Variants in GRK3 observed in about 807,000 individuals in gnomAD.
The protein encoded by GRK3 is adrenergic, beta, receptor kinase 2.
A neutral mutation model predicts 95.7 loss-of-function variants in GRK3; 54 were observed. The observed-to-expected ratio is 0.56, with a 90% CI of 0.45 to 0.71. The LOEUF (loss-of-function observed/expected upper bound fraction) is 0.71. Among genes scored for constraint, GRK3 ranks in the 30% least tolerant of loss-of-function variants. The pLI is 0.00. For synonymous variants in GRK3, 281 were observed against 290.8 expected (o/e 0.97, Z 0.34); for missense variants, 649 against 851.2 (o/e 0.76, Z 2.96).
intron 2 of GRK3, among the ~76,000 whole-genome samples, chr22:25,640,761 CG>C (rs1287067673): frequency 6.6e-6 from 1 of 151,920 alleles, no homozygotes; most frequent in Non-Finnish European, 1.5e-5. Context: ...ATCGTGATGG[CG>C]GGTGTTACAT....
At chr22:25,593,405 A>C (rs2146329801) in intron 1 of GRK3, among the ~76,000 whole-genome samples, 1 of 151,732 alleles carries the variant, frequency 6.6e-6, no homozygotes, top group Admixed American at 6.6e-5. Context: ...ATTTGCCTGG[A>C]GTGAGATGGT....
At chr22:25,668,403 C>G (rs2084956882) in intron 6 of GRK3, among the ~76,000 whole-genome samples, 1 of 152,192 alleles carries the variant, frequency 6.6e-6, no homozygotes. Flanking sequence ...TGGCTAATTT[C>G]TAGACAATAT....
At chr22:25,568,094 T>C (rs1348097986) in intron 1 of GRK3, among the ~76,000 whole-genome samples, 1 of 152,244 alleles carries the variant, frequency 6.6e-6, no homozygotes, top group South Asian at 2.1e-4. Context: ...TGGGGCCTAC[T>C]GGGAGTAGTA....
At chr22:25,647,182 T>TGGCCCCCCCCCC in intron 3 of GRK3, 1 of 123,988 alleles carries the variant, frequency 8.1e-6, no homozygotes, top group Non-Finnish European at 1.6e-5. Context: ...GGGCCTCACC[T>TGGCCCCCCCCCC]CCACCCACCG....
intron 3 of GRK3, among the ~76,000 whole-genome samples, chr22:25,649,935 T>G (rs2084816496): frequency 6.6e-6 from 1 of 152,168 alleles, no homozygotes; most frequent in Non-Finnish European, 1.5e-5. Flanking sequence ...TCTGAAGAGT[T>G]TGACTTAGAA....
intron 2 of GRK3, among the ~76,000 whole-genome samples, chr22:25,626,073 A>G (rs2084625704): frequency 6.6e-6 from 1 of 151,984 alleles, no homozygotes; most frequent in Admixed American, 6.6e-5. Flanking sequence ...CTTTATTTCT[A>G]CACTCTCTCG....
intron 1 of GRK3, among the ~76,000 whole-genome samples, chr22:25,569,179 T>C (rs1931596967): frequency 6.6e-6 from 1 of 152,246 alleles, no homozygotes; most frequent in Non-Finnish European, 1.5e-5. Flanking sequence ...AAATAGCCTT[T>C]AGAAAGAAAG....
intron 9 of GRK3, among the ~76,000 whole-genome samples, chr22:25,684,084 G>T (rs1262937162): frequency 6.6e-6 from 1 of 152,200 alleles, no homozygotes; most frequent in Non-Finnish European, 1.5e-5. Context: ...CAGATATTCA[G>T]TTGCTCCAGC....
At chr22:25,643,244 T>C (rs1394544126) in intron 2 of GRK3, among the ~76,000 whole-genome samples, 1 of 152,178 alleles carries the variant, frequency 6.6e-6, no homozygotes, top group Non-Finnish European at 1.5e-5. Context: ...AGTTTCTCCA[T>C]GGGAGGAGCG....
rs1159205380 is a variant in GRK3, at chr22:25,724,411, A to T, written c.*1961A>T. 6.6e-6 allele frequency: 1 copy of T among 152,198 alleles called. No individual in the cohort carries two copies. Among genetic ancestry groups the T allele is most frequent in the African/African-American group, 2.4e-5 (1 of 41,444 alleles). The allele number at this position is 152,198 out of a possible 1,614,324, so 9.4% of individuals were successfully genotyped here. A position where few individuals can be genotyped will look rare whatever the true frequency, so the allele number is the denominator to read the frequency against. On this transcript the variant is annotated 3_prime_UTR_variant, in exon 21 of 21. Transcript: ENST00000324198. ...CTGCACAAACGTGTTCAGAAAGATTATTCAACTTTCCCATACTTGTTCTAA... is the reference window on the plus strand; with the variant it reads ...CTGCACAAACGTGTTCAGAAAGATTTTTCAACTTTCCCATACTTGTTCTAA...
chr22:25,632,138 G>A (rs1053105166), intron 2 of GRK3, among the ~76,000 whole-genome samples: 2 of 152,204 alleles, frequency 1.3e-5, no homozygotes, highest in Non-Finnish European at 2.9e-5. Flanking sequence ...CTTTCAAAGA[G>A]GCTTTACAAA....
chr22:25,666,708 T>G (rs2084944299), intron 5 of GRK3, among the ~76,000 whole-genome samples: 1 of 152,110 alleles, frequency 6.6e-6, no homozygotes, highest in African/African-American at 2.4e-5. Flanking sequence ...AGACTTCCTA[T>G]TCTCATCACT....
intron 10 of GRK3, among the ~76,000 whole-genome samples, chr22:25,686,960 C>T (rs1332158684): frequency 6.6e-6 from 1 of 152,160 alleles, no homozygotes; most frequent in Non-Finnish European, 1.5e-5. Flanking sequence ...GCTGGGATTA[C>T]AGGCATGTGC....
In GRK3 at chr22:25,644,588, T is replaced by G; in HGVS notation, c.191-4T>G. 2.0e-6 allele frequency: 3 copies of G among 1,483,028 alleles called. No homozygotes were observed. Among genetic ancestry groups the G allele is most frequent in the Non-Finnish European group, 1.9e-6 (2 of 1,076,908 alleles). 91.9% of individuals were successfully genotyped at this position (1,483,028 alleles called of 1,614,324 possible). On this transcript the variant is annotated splice_region_variant and splice_polypyrimidine_tract_variant and intron_variant, in intron 2 of 20. Coordinates refer to ENST00000324198, the MANE Select transcript of GRK3 (RefSeq NM_005160.4). Reference sequence around the variant, plus strand: ...CCCTGAAATTTTTTATTTTTTTCCTTTAGGTTTCTTGCTATTTAAAGATTT... The same window carrying G: ...CCCTGAAATTTTTTATTTTTTTCCTGTAGGTTTCTTGCTATTTAAAGATTT...
At chr22:25,659,976 C>T (rs2084899322) in intron 3 of GRK3, among the ~76,000 whole-genome samples, 1 of 152,152 alleles carries the variant, frequency 6.6e-6, no homozygotes, top group African/African-American at 2.4e-5. Context: ...TTTCATTACA[C>T]TTGTTTTCAA....
chr22:25,644,097 A>G (rs1351192650), intron 2 of GRK3, among the ~76,000 whole-genome samples: 4 of 151,272 alleles, frequency 2.6e-5, no homozygotes, highest in African/African-American at 9.7e-5. Flanking sequence ...AGAAAGGACT[A>G]GAAAGGTTTG....
At chr22:25,626,288 C>T (rs185286100) in intron 2 of GRK3, among the ~76,000 whole-genome samples, 4 of 152,268 alleles carry the variant, frequency 2.6e-5, no homozygotes, top group African/African-American at 7.2e-5. Context: ...GTCGTCTTGC[C>T]GTAGGACTTG....
At chr22:25,700,268 GA>G (rs1393775517) in intron 13 of GRK3, among the ~76,000 whole-genome samples, 1 of 152,236 alleles carries the variant, frequency 6.6e-6, no homozygotes, top group Non-Finnish European at 1.5e-5. Flanking sequence ...AGATACTTAA[GA>G]GCGTCTGTGT....
intron 1 of GRK3, among the ~76,000 whole-genome samples, chr22:25,599,066 A>G (rs1007741606): frequency 2.2e-4 from 34 of 152,360 alleles, no homozygotes; most frequent in African/African-American, 8.2e-4. Context: ...TACTCCCAGA[A>G]TAACTCAAAA....
Sources: gnomAD v4.1 joint callset for allele counts (sites outside exome capture counted in the v4.1 genomes callset) on GRCh38, gnomAD v4.1.1 for gene constraint, MANE v1.5 for transcripts, NCBI Gene and HGNC (gene_info 2026-07-23, HGNC 2026-07-21) for gene names.